PPP4R1: variants seen among roughly 807,000 people sequenced by gnomAD.
PPP4R1 encodes serine/threonine-protein phosphatase 4 regulatory subunit 1.
A neutral mutation model predicts 111.2 loss-of-function variants in PPP4R1; 42 were observed. The ratio of observed to expected loss-of-function variants is 0.38; its 90% CI spans 0.29 to 0.49. PPP4R1 has a LOEUF of 0.49. PPP4R1 is among the 20% of genes least tolerant of loss of function. The pLI, the probability that PPP4R1 is intolerant of heterozygous loss-of-function variation, is 0.97. For synonymous variants in PPP4R1, 409 were observed against 405.5 expected (o/e 1.01, Z -0.10); for missense variants, 1,012 against 1,161.6 (o/e 0.87, Z 1.87).
At chr18:9,589,410 TGGCATTTC>T (rs1423464377) in intron 4 of PPP4R1, among the ~76,000 whole-genome samples, 2 of 152,214 alleles carry the variant, frequency 1.3e-5, no homozygotes, top group Non-Finnish European at 2.9e-5. Flanking sequence ...GTGAGAAATA[TGGCATTTC>T]AAATTTCTGG....
intron 16 of PPP4R1, among the ~76,000 whole-genome samples, chr18:9,552,242 GAT>G (rs569087708): frequency 3.2e-4 from 48 of 152,250 alleles, no homozygotes; most frequent in African/African-American, 1.1e-3. Flanking sequence ...AACAGACTTG[GAT>G]AGACATTTCT....
At chr18:9,570,825 A>G in intron 10 of PPP4R1, 142 bp from the exon 11 acceptor site, 1 of 859,274 alleles carries the variant, frequency 1.2e-6, no homozygotes, top group South Asian at 2.2e-5. Flanking sequence ...GAGTTTATGT[A>G]TATTATTTAT....
At chr18:9,609,018 G>T (rs1288709302) in intron 2 of PPP4R1, among the ~76,000 whole-genome samples, 1 of 151,750 alleles carries the variant, frequency 6.6e-6, no homozygotes, top group African/African-American at 2.4e-5. Flanking sequence ...GTAGCTACAG[G>T]CCCAAGCATA....
chr18:9,604,032 C>T (rs2067437304), intron 2 of PPP4R1, among the ~76,000 whole-genome samples: 1 of 152,054 alleles, frequency 6.6e-6, no homozygotes, highest in Non-Finnish European at 1.5e-5. Flanking sequence ...TATCCAAGTG[C>T]TATAGTATTT....
At chr18:9,563,104 A>G in intron 12 of PPP4R1, 1 of 1,124,100 alleles carries the variant, frequency 8.9e-7, no homozygotes, top group Non-Finnish European at 1.1e-6. Flanking sequence ...GTTTCCAGTA[A>G]GACTATTTCA....
chr18:9,587,229 C>T (rs1488814592), intron 6 of PPP4R1, among the ~76,000 whole-genome samples: 3 of 152,196 alleles, frequency 2.0e-5, no homozygotes, highest in East Asian at 3.9e-4. Context: ...TTCAGTTTTC[C>T]ACTTTGACAT....
At chr18:9,554,661 T>C (rs182595566) in intron 15 of PPP4R1, among the ~76,000 whole-genome samples, 3 of 151,984 alleles carry the variant, frequency 2.0e-5, no homozygotes, top group African/African-American at 7.2e-5. Context: ...CCAGGAGCAA[T>C]GAGCACTTCC....
rs543033488 is a variant in PPP4R1, at chr18:9,614,074, T to C, written c.52+152A>G. 6.6e-5 allele frequency: 38 copies of C among 575,124 alleles called. No homozygotes were observed. The African/African-American group carries it at 7.0e-4, about 11-fold the overall frequency. The allele number at this position is 575,124 out of a possible 1,614,324, so 35.6% of individuals were successfully genotyped here. A position where few individuals can be genotyped will look rare whatever the true frequency, so the allele number is the denominator to read the frequency against. ...CGCCGTTTCCTCACGGACGCGAGATTTTCCCCCCCGATCGCCACCCCAGCC... is the reference window on the plus strand; with the variant it reads ...CGCCGTTTCCTCACGGACGCGAGATCTTCCCCCCCGATCGCCACCCCAGCC... On this transcript the variant is annotated intron_variant, in intron 2 of 19. Transcript: ENST00000400556. This position sits in a 1 kb window ranked among gnomAD's most constrained non-coding sequence, Gnocchi z 4.1.
chr18:9,597,148 T>TA (rs1007662427), intron 2 of PPP4R1, among the ~76,000 whole-genome samples: 2 of 151,704 alleles, frequency 1.3e-5, no homozygotes, highest in African/African-American at 4.8e-5. Context: ...CCCCATCTCT[T>TA]AAAAAAAAGA....
At chr18:9,550,563 C>T (rs1176751610) in intron 16 of PPP4R1, 165 bp from the exon 17 acceptor site, 1 of 722,948 alleles carries the variant, frequency 1.4e-6, no homozygotes, top group East Asian at 2.7e-5. Flanking sequence ...TACCTCCAGT[C>T]TCTGTGTATC....
Position 9,588,667 on chromosome 18 carries a change from C to T in PPP4R1, c.438+44G>A, listed in dbSNP as rs769936810. ...AGGCTCGGCTATTCTCCATATATTA[C>T]ACTACGTAAATTTCTTTTAAGAACA... On this transcript the variant is annotated intron_variant, in intron 5 of 19. Coordinates refer to ENST00000400556, the MANE Select transcript of PPP4R1 (RefSeq NM_001042388.3). 17 of 1,518,442 alleles carry T rather than the reference C, an allele frequency of 1.1e-5. No homozygotes were observed. The African/African-American group carries it at 1.3e-4, about 11-fold the overall frequency. The allele number at this position is 1,518,442 out of a possible 1,614,324, so 94.1% of individuals were successfully genotyped here.
At position 9,588,824 on chromosome 18, in the gene PPP4R1, G is replaced by A; in HGVS notation, c.325C>T (p.Gln109Ter). The change falls in exon 5 of 20, where the codon CAG becomes TAG. Residue 109 changes from glutamine to a stop codon, truncating the protein, a stop_gained. Coordinates refer to ENST00000400556, the MANE Select transcript of PPP4R1 (RefSeq NM_001042388.3). LOFTEE classifies it high-confidence loss of function. ...EPTVRAELME[Q>*]VPHIALFCQE... is the part of the protein sequence containing the mutation. ...CAAAACAGTGCGATGTGAGGCACCT[G>A]TTCCATCAGCTCCGCTCTCACAGTT... 2 of 1,613,986 alleles carry A rather than the reference G, an allele frequency of 1.2e-6. No homozygotes were observed. Among genetic ancestry groups the A allele is most frequent in the Non-Finnish European group, 1.7e-6 (2 of 1,179,954 alleles).
chr18:9,578,778 GTTT>G (rs985982965), intron 9 of PPP4R1, among the ~76,000 whole-genome samples: 1 of 152,046 alleles, frequency 6.6e-6, no homozygotes, highest in Non-Finnish European at 1.5e-5. Context: ...TAAACTAAGG[GTTT>G]TTCTCCCCTT....
At chr18:9,556,843 G>A (rs1424167502) in intron 15 of PPP4R1, 1 of 159,724 alleles carries the variant, frequency 6.3e-6, no homozygotes, top group Non-Finnish European at 1.4e-5. Flanking sequence ...GGAGTACACG[G>A]AGGGCAGACT....
chr18:9,549,970 G>A, intron 18 of PPP4R1, 82 bp downstream of exon 18: 9 of 1,576,304 alleles, frequency 5.7e-6, no homozygotes, highest in South Asian at 1.1e-5. Flanking sequence ...TAAGGAAGAG[G>A]GTGAGAGAGA....
rs779013381 is a variant in PPP4R1, at chr18:9,550,157, C to T, written c.2442G>A (p.Ala814=). The T allele has an allele frequency of 1.5e-5, 25 of 1,614,030 alleles. No individual in the cohort carries two copies. The Admixed American group carries it at 2.7e-4, about 17-fold the overall frequency. ...CCACTCCGAACGTTGGTGGTGTTGC[C>T]GCGTGCAGCTTCTTCACCATCTCGC... ...LVSEMVKKLH[A]ATPPTFGVDL... is the part of the protein sequence containing the mutation. The change falls in exon 18 of 20, where the codon GCG becomes GCA. Residue 814 remains alanine, a synonymous_variant. Coordinates refer to ENST00000400556, the MANE Select transcript of PPP4R1 (RefSeq NM_001042388.3).
chr18:9,603,479 T>C (rs2067426432), intron 2 of PPP4R1, among the ~76,000 whole-genome samples: 1 of 152,206 alleles, frequency 6.6e-6, no homozygotes, highest in Non-Finnish European at 1.5e-5. Context: ...CTTTAAGTTT[T>C]ATATTAACGG....
intron 2 of PPP4R1, among the ~76,000 whole-genome samples, chr18:9,602,348 G>A (rs1379782784): frequency 2.4e-5 from 3 of 126,796 alleles, no homozygotes; most frequent in African/African-American, 6.2e-5. Context: ...TGGTTAACAT[G>A]GTGAAACCCC....
At position 9,547,721 on chromosome 18, in the gene PPP4R1, A is replaced by C; in HGVS notation, c.*68T>G. 1 of 1,570,016 alleles carries C rather than the reference A, an allele frequency of 6.4e-7. No individual in the cohort carries two copies. ...TCCCCCGAAAGCTATCCCAGGTCAC[A>C]TGCGTGGCGAATGCCCACTGAACCT... On this transcript the variant is annotated 3_prime_UTR_variant, in exon 20 of 20. Coordinates refer to ENST00000400556, the MANE Select transcript of PPP4R1 (RefSeq NM_001042388.3).
Sources: allele counts gnomAD v4.1 joint callset (sites outside exome capture counted in the v4.1 genomes callset), GRCh38; gene constraint gnomAD v4.1.1; non-coding constraint Gnocchi (gnomAD v3.1); transcripts MANE v1.5; gene names NCBI Gene and HGNC (gene_info 2026-07-23, HGNC 2026-07-21).